ZFHX3: variants seen among roughly 807,000 people sequenced by gnomAD.
The protein encoded by ZFHX3 is zinc finger homeobox protein 3.
In ZFHX3, 42 loss-of-function variants were observed where a neutral mutation model predicts 279.1. The ratio of observed to expected loss-of-function variants is 0.15; its 90% CI spans 0.12 to 0.19. The LOEUF (loss-of-function observed/expected upper bound fraction) is 0.19. ZFHX3 is among the 10% of genes least tolerant of loss of function. The pLI is 1.00. For missense variants in ZFHX3, 4,981 were observed against 4,754.0 expected, an observed-to-expected ratio of 1.05 and a Z score of -1.40; for synonymous variants, 2,293 against 1,957.8, an observed-to-expected ratio of 1.17 and a Z score of -4.52.
At chr16:73,388,231 TG>T (rs2016940502) in intron 3 of ZFHX3, among the ~76,000 whole-genome samples, 2 of 152,086 alleles carry the variant, frequency 1.3e-5, no homozygotes, top group Non-Finnish European at 2.9e-5. Flanking sequence ...GAAGTGTCTA[TG>T]TGTATCCAGG....
At chr16:73,285,771 A>C (rs2014580750) in intron 4 of ZFHX3, among the ~76,000 whole-genome samples, 1 of 152,118 alleles carries the variant, frequency 6.6e-6, no homozygotes, top group African/African-American at 2.4e-5. Context: ...GGCTCTGGGG[A>C]AATAAGTATT....
At chr16:72,850,015 G>A (rs1237708464) in intron 4 of ZFHX3, among the ~76,000 whole-genome samples, 2 of 152,102 alleles carry the variant, frequency 1.3e-5, no homozygotes, top group Non-Finnish European at 2.9e-5. Flanking sequence ...GGGAACGGTC[G>A]GGGGACTGTC....
chr16:73,157,905 T>C (rs1167739965), intron 5 of ZFHX3, among the ~76,000 whole-genome samples: 1 of 152,022 alleles, frequency 6.6e-6, no homozygotes, highest in African/African-American at 2.4e-5. Flanking sequence ...ATAATTGGCA[T>C]TAGCATTTCT....
chr16:73,586,452 TA>T lies in ZFHX3; in HGVS notation c.-1547+93727del, dbSNP rs61575907. ...AAAAAACATACAGAAAAGTTGGAGG[TA>T]AAAAAAAAAAACCATAAATGAAACA... On this transcript the variant is annotated intron_variant, in intron 2 of 17. Transcript: ENST00000641206. 2.0e-3 allele frequency among the ~76,000 whole-genome samples: 260 copies of T among 128,660 alleles called. 1 individual carries two copies. The highest frequency in any genetic ancestry group is 7.1e-3 in the South Asian group (28 of 3,958). The allele number at this position is 128,660 out of a possible 152,430, so 84.4% of individuals were successfully genotyped here. A position where few individuals can be genotyped will look rare whatever the true frequency, so the allele number is the denominator to read the frequency against.
At chr16:72,799,464 G>C (rs1395418989) in intron 8 of ZFHX3, among the ~76,000 whole-genome samples, 2 of 152,148 alleles carry the variant, frequency 1.3e-5, no homozygotes, top group African/African-American at 4.8e-5. Flanking sequence ...TCCCAACTTA[G>C]AACTCTTCCC....
In ZFHX3 at chr16:72,959,762, G is replaced by T; in HGVS notation, c.384C>A (p.Asn128Lys). The change falls in exon 2 of 10, where the codon AAC (asparagine) becomes AAA (lysine). Residue 128 changes from asparagine to lysine, a missense_variant. Physicochemically the swap from Asn to Lys is moderately conservative, Grantham distance 94 (BLOSUM62 0). Transcript: ENST00000268489. ...EEGDEESDVE[N>K]LAGEIVYQPD... is the part of the protein sequence containing the mutation. ...GCTGGTAGACGATCTCCCCGGCCAGGTTCTCCACGTCACTCTCCTCGTCCC... is the reference window on the plus strand; with the variant it reads ...GCTGGTAGACGATCTCCCCGGCCAGTTTCTCCACGTCACTCTCCTCGTCCC... The T allele has an allele frequency of 1.9e-6, 3 of 1,609,020 alleles. No homozygotes were observed. The highest frequency in any genetic ancestry group is 2.5e-6 in the Non-Finnish European group (3 of 1,176,666).
chr16:72,968,717 C>G (rs1961964911), intron 1 of ZFHX3, among the ~76,000 whole-genome samples: 1 of 152,142 alleles, frequency 6.6e-6, no homozygotes, highest in Non-Finnish European at 1.5e-5. Context: ...CCCACCTCAG[C>G]CTGTCAAAGT....
chr16:73,519,744 T>G (rs927441877), intron 2 of ZFHX3, among the ~76,000 whole-genome samples: 1 of 152,202 alleles, frequency 6.6e-6, no homozygotes, highest in Non-Finnish European at 1.5e-5. Flanking sequence ...CTAGAGGGGT[T>G]GAAGTGTTAC....
intron 3 of ZFHX3, among the ~76,000 whole-genome samples, chr16:72,940,318 G>A (rs1478260267): frequency 2.0e-5 from 3 of 152,192 alleles, no homozygotes; most frequent in African/African-American, 4.8e-5. Context: ...CCCAGGGAAC[G>A]AAGACCCCTT....
At chr16:72,899,971 C>A (rs1317888911) in intron 3 of ZFHX3, among the ~76,000 whole-genome samples, 1 of 151,988 alleles carries the variant, frequency 6.6e-6, no homozygotes, top group African/African-American at 2.4e-5. Context: ...AAAGGCAATC[C>A]TTGGTTGACA....
At chr16:73,202,128 G>A (rs2011628536) in intron 5 of ZFHX3, among the ~76,000 whole-genome samples, 1 of 152,136 alleles carries the variant, frequency 6.6e-6, no homozygotes, top group Non-Finnish European at 1.5e-5. Flanking sequence ...TTCACTATAA[G>A]TCTGTGTAGC....
chr16:72,973,242 T>C (rs1962186561), intron 1 of ZFHX3: 1 of 152,224 alleles, frequency 6.6e-6, no homozygotes, highest in Admixed American at 6.5e-5. Context: ...TTTGGTGCCA[T>C]CTTTGCAGAA....
intron 2 of ZFHX3, among the ~76,000 whole-genome samples, chr16:73,646,836 C>T (rs890116528): frequency 2.6e-5 from 4 of 152,058 alleles, no homozygotes; most frequent in Non-Finnish European, 4.4e-5. Context: ...TCTAGACTGC[C>T]AAATGCCTCA....
At chr16:73,343,491 G>A (rs1212764317) in intron 3 of ZFHX3, among the ~76,000 whole-genome samples, 2 of 152,178 alleles carry the variant, frequency 1.3e-5, no homozygotes, top group African/African-American at 2.4e-5. Flanking sequence ...TTGGGAGGCC[G>A]AGGTGGGAGG....
At chr16:73,688,049 G>A (rs1042377533) in intron 1 of ZFHX3, among the ~76,000 whole-genome samples, 1 of 151,724 alleles carries the variant, frequency 6.6e-6, no homozygotes, top group Non-Finnish European at 1.5e-5. Flanking sequence ...CTGAATGTTT[G>A]TGTCTCCCCA....
At chr16:73,509,601 T>G (rs2019389263) in intron 2 of ZFHX3, among the ~76,000 whole-genome samples, 1 of 146,016 alleles carries the variant, frequency 6.8e-6, no homozygotes, top group African/African-American at 2.6e-5. Flanking sequence ...CTTGGCTCAC[T>G]GCAACCTCCA....
In ZFHX3 at chr16:73,412,862, G is replaced by A. The variant is rs545711055; in HGVS notation, c.-1291+43141C>T. ...ATAATTGGGCTTTCTTATTTGCAAC[G>A]TGTTTTCTTAGGGCAAGATCTATAT... On this transcript the variant is annotated intron_variant, in intron 3 of 17. Coordinates refer to the ZFHX3 transcript ENST00000641206. Among the ~76,000 whole-genome samples the A allele has an allele frequency of 9.9e-5, 15 of 152,268 alleles. No homozygotes were observed. In the South Asian group the frequency reaches 1.5e-3, roughly 15 times the overall value.
intron 1 of ZFHX3, among the ~76,000 whole-genome samples, chr16:73,820,896 G>C (rs1183782501): frequency 1.3e-5 from 2 of 151,688 alleles, no homozygotes; most frequent in African/African-American, 4.8e-5. Flanking sequence ...TGATCAAAGG[G>C]AATTAACAGA....
At chr16:73,250,177 A>G (rs28723625) in intron 5 of ZFHX3, among the ~76,000 whole-genome samples, 96,164 of 152,120 alleles carry the variant, frequency 0.63, 30,870 homozygotes, top group African/African-American at 0.71. Context: ...AGGTACAATA[A>G]CATGTTTTCA....
Sources: allele counts gnomAD v4.1 joint callset (sites outside exome capture counted in the v4.1 genomes callset), GRCh38; gene constraint gnomAD v4.1.1; transcripts MANE v1.5; gene names NCBI Gene and HGNC (gene_info 2026-07-23, HGNC 2026-07-21).